The following AHNAK2 variants were observed in gnomAD, a reference collection of about 807,000 sequenced individuals.
The protein encoded by AHNAK2 is AHNAK nucleoprotein 2.
A neutral mutation model predicts 30.7 loss-of-function variants in AHNAK2; 18 were observed. That is an observed-to-expected ratio of 0.59 (90% CI 0.41 to 0.87). The LOEUF (loss-of-function observed/expected upper bound fraction) is 0.87, where lower values mean the gene tolerates loss of function less well. Ranked by LOEUF, AHNAK2 falls within the 40% of genes least tolerant of loss-of-function variation. The pLI, the probability that AHNAK2 is intolerant of heterozygous loss-of-function variation, is 0.00. For synonymous variants in AHNAK2, 3,590 were observed against 3,073.8 expected, an observed-to-expected ratio of 1.17 and a Z score of -5.56; for missense variants, 8,604 against 7,373.0, an observed-to-expected ratio of 1.17 and a Z score of -6.11.
intron 3 of AHNAK2, among the ~76,000 whole-genome samples, chr14:104,956,901 T>A (rs1898993296): frequency 6.6e-6 from 1 of 152,054 alleles, no homozygotes; most frequent in Admixed American, 6.5e-5. Flanking sequence ...GGGCCCAGCC[T>A]ACAGCCCACA....
chr14:104,943,014 G>C lies in AHNAK2; in HGVS notation c.12437C>G (p.Ser4146Trp), dbSNP rs199549242. The C allele has an allele frequency of 3.1e-6, 5 of 1,612,972 alleles. No homozygotes were observed. In the South Asian group the frequency reaches 4.4e-5, roughly 14 times the overall value. Residue 4146 changes from serine (S) to tryptophan (W), a missense_variant, in exon 7 of 7, where the codon TCG (serine) becomes TGG (tryptophan). Physicochemically the swap from Ser to Trp is radical, Grantham distance 177. Transcript: ENST00000333244. Reference protein sequence around the residue: ...PKFKMPSFGVSAPGKSMEASV... With the variant: ...PKFKMPSFGVWAPGKSMEASV... ...CGCCTCCATGGACTTGCCTGGGGCCGACACCCCGAATGATGGCATCTTGAA... is the reference window on the plus strand; with the variant it reads ...CGCCTCCATGGACTTGCCTGGGGCCCACACCCCGAATGATGGCATCTTGAA...
intron 1 of AHNAK2, among the ~76,000 whole-genome samples, chr14:104,975,032 G>A (rs1178115281): frequency 6.6e-6 from 1 of 152,380 alleles, no homozygotes; most frequent in East Asian, 1.9e-4. Flanking sequence ...CTGGGAGTGG[G>A]CCCAGCAACC....
Position 104,954,225 on chromosome 14 carries a change from G to T in AHNAK2, c.1226C>A (p.Pro409His). The T allele has an allele frequency of 6.2e-7, 1 of 1,611,498 alleles. No homozygotes were observed. Among genetic ancestry groups the T allele is most frequent in the Non-Finnish European group, 8.5e-7 (1 of 1,179,806 alleles). ...LGDPRLCEGT[P>H]QEGGLRAARL... Reference sequence around the variant, plus strand: ...GGCTGCCCTGAGTCCCCCTTCCTGAGGGGTTCCCTCGCAAAGTCTAGGGTC... The same window carrying T: ...GGCTGCCCTGAGTCCCCCTTCCTGATGGGTTCCCTCGCAAAGTCTAGGGTC... The change falls in exon 7 of 7, where the codon CCT becomes CAT. Residue 409 changes from proline to histidine, a missense_variant. Pro to His is a moderately conservative substitution (Grantham distance 77, BLOSUM62 -2). Coordinates refer to ENST00000333244, the MANE Select transcript of AHNAK2 (RefSeq NM_138420.4). The surrounding 1 kb of genome is among the most constrained non-coding windows in gnomAD (Gnocchi z 4.3).
intron 1 of AHNAK2, among the ~76,000 whole-genome samples, chr14:104,968,331 T>C (rs1186163645): frequency 1.4e-5 from 2 of 145,466 alleles, no homozygotes; most frequent in African/African-American, 5.7e-5. Flanking sequence ...AACTGGACTA[T>C]CCTGGCGCAG....
rs1390586150 is a variant in AHNAK2, at chr14:104,947,245, T to C, written c.8206A>G (p.Met2736Val). ...GLKGHLPKLQ[M>V]PSFKMPEVDL... ...ACTTCAGGCATCTTGAAACTGGGCATCTGCAGCTTGGGCAGGTGCCCTTTG... is the reference window on the plus strand; with the variant it reads ...ACTTCAGGCATCTTGAAACTGGGCACCTGCAGCTTGGGCAGGTGCCCTTTG... Residue 2736 changes from methionine (M) to valine (V), a missense_variant, in exon 7 of 7, where the codon ATG (methionine) becomes GTG (valine). Met to Val is a conservative substitution (Grantham distance 21). Coordinates refer to ENST00000333244, the MANE Select transcript of AHNAK2 (RefSeq NM_138420.4). The C allele has an allele frequency of 6.2e-7, 1 of 1,611,442 alleles. No individual in the cohort carries two copies. The highest frequency in any genetic ancestry group is 2.2e-5 in the East Asian group (1 of 44,602).
In AHNAK2 at chr14:104,948,635, C is replaced by T. The variant is rs370447678; in HGVS notation, c.6816G>A (p.Val2272=). 19 of 1,612,200 alleles carry T rather than the reference C, an allele frequency of 1.2e-5. No individual in the cohort carries two copies. Among genetic ancestry groups the T allele is most frequent in the Admixed American group, 1.7e-5 (1 of 59,882 alleles). The change falls in exon 7 of 7, where the codon GTG becomes GTA. Residue 2272 remains valine (V), a synonymous_variant. Transcript: ENST00000333244. ...GAGACACCTCCACATCAGGGGCTGTCACTTCCACCTTGGGGTCTTTTAGGT... is the reference window on the plus strand; with the variant it reads ...GAGACACCTCCACATCAGGGGCTGTTACTTCCACCTTGGGGTCTTTTAGGT... ...KLDLKDPKVE[V]TAPDVEVSLP...
In AHNAK2 at chr14:104,940,250, G is replaced by A. The variant is rs368198892; in HGVS notation, c.15201C>T (p.Asp5067=). ...TTGCACCAAGTCCTCCCCTACCACC[G>A]TCACTGCTGGCCTTTTCTGTGTCTT... ...SFQDTEKASS[D]GGRGGLGATA... The change falls in exon 7 of 7, where the codon GAC becomes GAT. Residue 5067 remains aspartate, a synonymous_variant. Transcript: ENST00000333244. The surrounding 1 kb of genome is among the most constrained non-coding windows in gnomAD (Gnocchi z 4.4). 2.4e-5 allele frequency: 39 copies of A among 1,613,444 alleles called. No individual in the cohort carries two copies. The African/African-American group carries it at 3.3e-4, about 14-fold the overall frequency.
rs781517989 is a variant in AHNAK2 at position 104,954,943 on chromosome 14, C to G, written c.651+14G>C. ...GCCAGCTGGGGCCCTGCCCCCCGGG[C>G]ATAGTGGTCTCACCTCCTTCTCCTT... On this transcript the variant is annotated intron_variant, in intron 6 of 6. Transcript: ENST00000333244. The surrounding 1 kb of genome is among the most constrained non-coding windows in gnomAD (Gnocchi z 4.3). The G allele has an allele frequency of 6.2e-7, 1 of 1,604,510 alleles. No homozygotes were observed. Among genetic ancestry groups the G allele is most frequent in the East Asian group, 2.2e-5 (1 of 44,714 alleles).
In AHNAK2 at chr14:104,965,401, C is replaced by CAAAA. The variant is rs397853385; in HGVS notation, c.56-7733_56-7730dup. On this transcript the variant is annotated intron_variant, in intron 1 of 6. Coordinates refer to ENST00000333244, the MANE Select transcript of AHNAK2 (RefSeq NM_138420.4). ...CAGCAACAAAAGCAAAACTCTGTCT[C>CAAAA]AAAAAAAAAAAAAAAAAAAAGAAAA... Among the ~76,000 whole-genome samples, 285 of 85,052 alleles carry CAAAA rather than the reference C, an allele frequency of 3.4e-3. 1 individual carries two copies. The highest frequency in any genetic ancestry group is 7.1e-3 in the Middle Eastern group (1 of 140). The allele number at this position is 85,052 out of a possible 152,430, so 55.8% of individuals were successfully genotyped here. A position where few individuals can be genotyped will look rare whatever the true frequency, so the allele number is the denominator to read the frequency against.
rs761368590 is a variant in AHNAK2 at position 104,953,407 on chromosome 14, T to C, written c.2044A>G (p.Met682Val). ...GGGGCTGACGCCCCGAACAATGGCA[T>C]CTTGAACTTGGGCATTTTGAACTTG... Reference protein sequence around the residue: ...DSKFKMPKFKMPLFGASAPGK... With the variant: ...DSKFKMPKFKVPLFGASAPGK... The change falls in exon 7 of 7, where the codon ATG (methionine) becomes GTG (valine). Residue 682 changes from methionine (M) to valine (V), a missense_variant. By Grantham distance (21) the Met-to-Val change is conservative. Coordinates refer to ENST00000333244, the MANE Select transcript of AHNAK2 (RefSeq NM_138420.4). 7 of 1,613,940 alleles carry C rather than the reference T, an allele frequency of 4.3e-6. No individual in the cohort carries two copies. The highest frequency in any genetic ancestry group is 4.0e-5 in the African/African-American group (3 of 74,934).
At chr14:104,967,934 G>C (rs1441802231) in intron 1 of AHNAK2, among the ~76,000 whole-genome samples, 1 of 152,230 alleles carries the variant, frequency 6.6e-6, no homozygotes, top group Non-Finnish European at 1.5e-5. Context: ...AGAGCGCAGG[G>C]GAGGCCGCCT....
At chr14:104,971,010 C>G (rs1899458317) in intron 1 of AHNAK2, among the ~76,000 whole-genome samples, 4 of 152,208 alleles carry the variant, frequency 2.6e-5, no homozygotes. Flanking sequence ...GCCTGAGCCC[C>G]CAGGGCAGCC....
At position 104,956,625 on chromosome 14, in the gene AHNAK2, C is replaced by T; in HGVS notation, c.278G>A (p.Gly93Glu). The T allele has an allele frequency of 7.4e-6, 12 of 1,613,934 alleles. No individual in the cohort carries two copies. The highest frequency in any genetic ancestry group is 1.0e-5 in the Non-Finnish European group (12 of 1,179,874). The change falls in exon 4 of 7, where the codon GGG becomes GAG. Residue 93 changes from glycine (G) to glutamate (E), a missense_variant. Physicochemically the swap from Gly to Glu is moderately conservative, Grantham distance 98. Transcript: ENST00000333244. ...CATCCTGAAAAATGTCCGTGAGTCCCCTGAATCTCGCTTCCACCAGGATCT... is the reference window on the plus strand; with the variant it reads ...CATCCTGAAAAATGTCCGTGAGTCCTCTGAATCTCGCTTCCACCAGGATCT... ...RRRSWWKRDS[G>E]DSRTFFRMSR...
chr14:104,973,339 A>T (rs1899522404), intron 1 of AHNAK2, among the ~76,000 whole-genome samples: 1 of 152,216 alleles, frequency 6.6e-6, no homozygotes, highest in Non-Finnish European at 1.5e-5. Context: ...ATGGTGAATC[A>T]GCCGGGAGGA....
At position 104,948,051 on chromosome 14, in the gene AHNAK2, C is replaced by T. The variant is rs1256268475; in HGVS notation, c.7400G>A (p.Gly2467Glu). Residue 2467 changes from glycine to glutamate, a missense_variant, in exon 7 of 7, where the codon GGG (glycine) becomes GAG (glutamate). Coordinates refer to ENST00000333244, the MANE Select transcript of AHNAK2 (RefSeq NM_138420.4). ...ATCCTTGTCCGCCACAGACAGGTCC[C>T]CCTCCAGCCACGCACCATCCAGCTT... ...GAKLDGAWLE[G>E]DLSVADKDVT... The T allele has an allele frequency of 6.2e-7, 1 of 1,612,970 alleles. No homozygotes were observed. Among genetic ancestry groups the T allele is most frequent in the Non-Finnish European group, 8.5e-7 (1 of 1,179,690 alleles).
At chr14:104,956,438 A>G (rs1898976451) in intron 4 of AHNAK2, 150 bp downstream of exon 4, 3 of 720,620 alleles carry the variant, frequency 4.2e-6, no homozygotes, top group Non-Finnish European at 7.0e-6. Flanking sequence ...CAGGCCTGAC[A>G]AGGGGGACAA....
In AHNAK2 at chr14:104,942,197, C is replaced by A; in HGVS notation, c.13254G>T (p.Thr4418=). 2 of 1,612,502 alleles carry A rather than the reference C, an allele frequency of 1.2e-6. No homozygotes were observed. The highest frequency in any genetic ancestry group is 1.7e-6 in the Non-Finnish European group (2 of 1,179,602). ...LDLKGPKVEV[T]SPNLDVSLPS... is the part of the protein sequence containing the mutation. ...GCAGAGACACGTCCAGGTTGGGGGA[C>A]GTCACCTCCACCTTGGGGCCTTTCA... Residue 4418 remains threonine, a synonymous_variant, in exon 7 of 7, where the codon ACG becomes ACT. Coordinates refer to ENST00000333244, the MANE Select transcript of AHNAK2 (RefSeq NM_138420.4).
intron 1 of AHNAK2, among the ~76,000 whole-genome samples, chr14:104,964,647 T>C (rs1899249129): frequency 6.6e-6 from 1 of 152,156 alleles, no homozygotes; most frequent in South Asian, 2.1e-4. Context: ...ATGTGCAACG[T>C]GGATGAAGTT....
Position 104,954,301 on chromosome 14 carries a change from C to T in AHNAK2, c.1150G>A (p.Asp384Asn), listed in dbSNP as rs1566920827. 1 of 1,613,500 alleles carries T rather than the reference C, an allele frequency of 6.2e-7. No homozygotes were observed. The highest frequency in any genetic ancestry group is 8.5e-7 in the Non-Finnish European group (1 of 1,179,900). ...GSRREERAEQ[D>N]REVMPAQSMP... The stretch of plus-strand genomic sequence containing the variant: ...CTCTGAGCAGGCATCACTTCTCGAT[C>T]CTGTTCTGCCCTCTCCTCTCTCCTG... The change falls in exon 7 of 7, where the codon GAT becomes AAT. Residue 384 changes from aspartate (D) to asparagine (N), a missense_variant. Physicochemically the swap from Asp to Asn is conservative, Grantham distance 23. Transcript: ENST00000333244. This position sits in a 1 kb window ranked among gnomAD's most constrained non-coding sequence, Gnocchi z 4.3.
Sources: gnomAD v4.1 joint callset for allele counts (sites outside exome capture counted in the v4.1 genomes callset) on GRCh38, gnomAD v4.1.1 for gene constraint, Gnocchi (gnomAD v3.1) non-coding constraint, MANE v1.5 for transcripts, NCBI Gene and HGNC (gene_info 2026-07-23, HGNC 2026-07-21) for gene names.